FRMD3: variants seen among roughly 807,000 people sequenced by gnomAD.
FRMD3 encodes FERM domain containing 3.
Under a neutral mutation model 70.2 loss-of-function variants are expected in FRMD3, and 33 were observed. The ratio of observed to expected loss-of-function variants is 0.47; its 90% CI spans 0.36 to 0.63. FRMD3 has a LOEUF of 0.63. Among genes scored for constraint, FRMD3 ranks in the 20% least tolerant of loss-of-function variants. The pLI is 0.00. For missense variants in FRMD3, 632 were observed against 711.4 expected, an observed-to-expected ratio of 0.89 and a Z score of 1.27; for synonymous variants, 279 against 255.9, an observed-to-expected ratio of 1.09 and a Z score of -0.86.
chr9:83,560,706 G>A, the FRMD3 span, among the ~76,000 whole-genome samples: 1 of 152,244 alleles, frequency 6.6e-6, no homozygotes, highest in South Asian at 2.1e-4. Flanking sequence ...GTGTTGACAT[G>A]TGACTAACTT....
At chr9:83,322,536 A>C (rs1037273612) in intron 6 of FRMD3, among the ~76,000 whole-genome samples, 23 of 152,152 alleles carry the variant, frequency 1.5e-4, no homozygotes, top group African/African-American at 4.6e-4. Flanking sequence ...GTAGCTCTCC[A>C]GTATCTAGGC....
intron 2 of FRMD3, among the ~76,000 whole-genome samples, chr9:83,389,356 C>T (rs1825600182): frequency 6.6e-6 from 1 of 152,104 alleles, no homozygotes; most frequent in Admixed American, 6.5e-5. Context: ...GTTCAAAGGG[C>T]ACAGGGACAT....
the FRMD3 span, among the ~76,000 whole-genome samples, chr9:83,584,156 A>C: frequency 6.6e-6 from 1 of 152,088 alleles, no homozygotes. Context: ...CAACATGGTG[A>C]AACCCCATCT....
At position 83,432,606 on chromosome 9, in the gene FRMD3, G is replaced by A. The variant is rs554572825; in HGVS notation, c.148-42898C>T. 9.9e-5 allele frequency among the ~76,000 whole-genome samples: 15 copies of A among 152,244 alleles called. No homozygotes were observed. The East Asian group carries it at 1.4e-3, about 14-fold the overall frequency. On this transcript the variant is annotated intron_variant, in intron 1 of 13. Transcript: ENST00000304195. ...ACTTTTAAAGCTTTGAGCCCAGCAG[G>A]TTAAACTTATAAAACAAAGGTCATA... is the stretch of plus-strand genomic sequence containing the variant.
chr9:83,279,137 T>C (rs1833885901), intron 13 of FRMD3: 1 of 152,194 alleles, frequency 6.6e-6, no homozygotes, highest in Admixed American at 6.5e-5. Context: ...AAACCCTGTT[T>C]ATTTCTCTTT....
chr9:83,425,340 G>A (rs902096039), intron 1 of FRMD3, among the ~76,000 whole-genome samples: 1 of 152,140 alleles, frequency 6.6e-6, no homozygotes, highest in African/African-American at 2.4e-5. Context: ...GTGACAACTG[G>A]TATGAGCATG....
At chr9:83,513,652 T>C (rs1169711097) in intron 1 of FRMD3, among the ~76,000 whole-genome samples, 1 of 152,186 alleles carries the variant, frequency 6.6e-6, no homozygotes, top group Non-Finnish European at 1.5e-5. Context: ...GAAAGAAATA[T>C]GAAAATGGGA....
At chr9:83,579,239 A>T in the FRMD3 span, among the ~76,000 whole-genome samples, 1 of 151,940 alleles carries the variant, frequency 6.6e-6, no homozygotes, top group African/African-American at 2.4e-5. Flanking sequence ...ATACTACCCA[A>T]AATTGTCTAT....
At chr9:83,366,830 T>C (rs1472223473) in intron 3 of FRMD3, among the ~76,000 whole-genome samples, 1 of 152,192 alleles carries the variant, frequency 6.6e-6, no homozygotes, top group African/African-American at 2.4e-5. Flanking sequence ...ACTTCATGTA[T>C]ACACATTGGG....
At chr9:83,419,814 C>T (rs1474896846) in intron 1 of FRMD3, among the ~76,000 whole-genome samples, 2 of 152,128 alleles carry the variant, frequency 1.3e-5, no homozygotes, top group Non-Finnish European at 2.9e-5. Flanking sequence ...AACTCTATAC[C>T]TGAGTTTGTT....
intron 13 of FRMD3, among the ~76,000 whole-genome samples, chr9:83,282,303 G>T (rs1303174865): frequency 6.6e-6 from 1 of 152,160 alleles, no homozygotes; most frequent in Non-Finnish European, 1.5e-5. Flanking sequence ...AGTTGAAGGT[G>T]GTTCAAAAGA....
chr9:83,577,087 TAGAA>T, the FRMD3 span, among the ~76,000 whole-genome samples: 9 of 151,974 alleles, frequency 5.9e-5, no homozygotes, highest in African/African-American at 1.9e-4. Context: ...CCTAAATAAA[TAGAA>T]AGACATATTA....
chr9:83,469,623 C>A (rs17086295), intron 1 of FRMD3, among the ~76,000 whole-genome samples: 1 of 151,954 alleles, frequency 6.6e-6, no homozygotes, highest in Admixed American at 6.6e-5. Context: ...ATGTATGAAC[C>A]ACCTCATGGA....
the FRMD3 span, among the ~76,000 whole-genome samples, chr9:83,565,597 C>T: frequency 6.6e-6 from 1 of 152,204 alleles, no homozygotes; most frequent in African/African-American, 2.4e-5. Context: ...AAAGATACTG[C>T]CCGTAGCGCC....
At chr9:83,577,299 C>T in the FRMD3 span, among the ~76,000 whole-genome samples, 1 of 152,010 alleles carries the variant, frequency 6.6e-6, no homozygotes, top group South Asian at 2.1e-4. Context: ...AGGATGCACA[C>T]TTTCCAATTT....
intron 1 of FRMD3, among the ~76,000 whole-genome samples, chr9:83,464,846 C>G (rs773720682): frequency 1.3e-5 from 2 of 151,914 alleles, no homozygotes; most frequent in Admixed American, 1.3e-4. Flanking sequence ...TAGCGAAACC[C>G]GATCTCTACT....
At chr9:83,324,832 C>G (rs1352015697) in intron 6 of FRMD3, among the ~76,000 whole-genome samples, 1 of 152,090 alleles carries the variant, frequency 6.6e-6, no homozygotes, top group Non-Finnish European at 1.5e-5. Context: ...TGGCATTTGC[C>G]CTCACTAGTC....
intron 1 of FRMD3, among the ~76,000 whole-genome samples, chr9:83,420,137 T>C (rs970909510): frequency 6.6e-6 from 1 of 152,330 alleles, no homozygotes; most frequent in Non-Finnish European, 1.5e-5. Flanking sequence ...TAGTTTCCTA[T>C]AATAGCGTGT....
intron 1 of FRMD3, among the ~76,000 whole-genome samples, chr9:83,454,178 G>A (rs1011994385): frequency 6.6e-6 from 1 of 152,142 alleles, no homozygotes; most frequent in Non-Finnish European, 1.5e-5. Flanking sequence ...TACATCTTTT[G>A]TAGCTATTGT....
Sources: allele counts gnomAD v4.1 joint callset (sites outside exome capture counted in the v4.1 genomes callset), GRCh38; gene constraint gnomAD v4.1.1; transcripts MANE v1.5; gene names NCBI Gene and HGNC (gene_info 2026-07-23, HGNC 2026-07-21).